The following TRPM1 variants were observed in gnomAD, a reference collection of about 807,000 sequenced individuals.
The protein encoded by TRPM1 is TRPM1-203 APA Isoform, Intron 10.
TRPM1 carries 113 observed loss-of-function variants against 149.4 expected under a neutral mutation model. That is an observed-to-expected ratio of 0.76 (90% confidence interval 0.65 to 0.88). The LOEUF is 0.88. Ranked by LOEUF, TRPM1 falls within the 40% of genes least tolerant of loss-of-function variation. TRPM1 has a pLI of 0.00. For synonymous variants in TRPM1, 741 were observed against 759.5 expected (o/e 0.98, Z 0.40); for missense variants, 1,976 against 2,038.7 (o/e 0.97, Z 0.59).
At chr15:31,067,369 T>C (rs1299065641) in intron 5 of TRPM1, among the ~76,000 whole-genome samples, 182 bp from the exon 6 acceptor site, 1 of 152,212 alleles carries the variant, frequency 6.6e-6, no homozygotes. Flanking sequence ...CGAGCAATCT[T>C]GCATTAACTC....
intron 27 of TRPM1, 102 bp downstream of exon 27, chr15:31,026,037 C>T: frequency 1.3e-6 from 2 of 1,509,386 alleles, no homozygotes; most frequent in Non-Finnish European, 1.8e-6. Flanking sequence ...CAGGAGAACT[C>T]GGAGTGCATG....
Position 31,002,333 on chromosome 15 carries a change from G to C in TRPM1, c.4367C>G (p.Thr1456Arg), listed in dbSNP as rs61734297. The C allele has an allele frequency of 5.3e-4, 850 of 1,614,072 alleles. No individual in the cohort carries two copies. Among genetic ancestry groups the C allele is most frequent in the Non-Finnish European group, 7.0e-4 (831 of 1,180,034 alleles). ...FPDETINACK[T>R]MKSRSFVYSR... ...ATAGACGAAGCTTCTGGACTTCATT[G>C]TTTTACAAGCATTGATCGTTTCATC... The change falls in exon 28 of 28, where the codon ACA (threonine) becomes AGA (arginine). Residue 1456 changes from threonine to arginine, a missense_variant. Physicochemically the swap from Thr to Arg is moderately conservative, Grantham distance 71. Transcript: ENST00000256552.
chr15:31,105,412 C>T (rs903866985), upstream of TRPM1, among the ~76,000 whole-genome samples: 5 of 151,156 alleles, frequency 3.3e-5, no homozygotes, highest in Admixed American at 1.3e-4. Flanking sequence ...TTTCAGCAGG[C>T]GGAACTATGA....
At chr15:31,080,609 G>GC in intron 2 of TRPM1, among the ~76,000 whole-genome samples, 1 of 148,556 alleles carries the variant, frequency 6.7e-6, no homozygotes, top group South Asian at 2.2e-4. Flanking sequence ...TCCTTCCCTA[G>GC]CCCCCAGGCC....
At chr15:31,076,755 G>A (rs970345881) in intron 3 of TRPM1, 150 bp downstream of exon 3, 5 of 694,968 alleles carry the variant, frequency 7.2e-6, no homozygotes, top group African/African-American at 7.1e-5. Flanking sequence ...GGAGTAACAA[G>A]GAGCCCCAGT....
intron 13 of TRPM1, among the ~76,000 whole-genome samples, chr15:31,048,768 T>C (rs2033854169): frequency 6.6e-6 from 1 of 152,026 alleles, no homozygotes; most frequent in Non-Finnish European, 1.5e-5. Flanking sequence ...GCTGAGATCA[T>C]GTCACTGCAC....
chr15:31,100,482 C>A (rs1449051902), intron 1 of TRPM1, among the ~76,000 whole-genome samples: 1 of 151,908 alleles, frequency 6.6e-6, no homozygotes, highest in East Asian at 1.9e-4. Flanking sequence ...ATCACATGTA[C>A]CCCCACAATA....
Position 31,068,115 on chromosome 15 carries a change from C to T in TRPM1, c.280-23G>A, listed in dbSNP as rs116867081. ...ATACTGTGAAAGAGTGTGTGGCACT[C>T]AGCCTCTGTTCTTGGTTTTGCTTCT... On this transcript the variant is annotated intron_variant, in intron 4 of 27. Transcript: ENST00000256552. 1.8e-4 allele frequency: 295 copies of T among 1,605,002 alleles called. 2 individuals carry two copies. In the East Asian group the frequency reaches 6.2e-3, roughly 34 times the overall value.
intron 1 of TRPM1, among the ~76,000 whole-genome samples, chr15:31,094,578 G>T (rs767476397): frequency 5.9e-5 from 9 of 152,168 alleles, no homozygotes; most frequent in Non-Finnish European, 1.2e-4. Context: ...ATTCTCCAAT[G>T]AAGATATACA....
intron 1 of TRPM1, among the ~76,000 whole-genome samples, chr15:31,087,418 ATT>A (rs1162414951): frequency 6.6e-6 from 1 of 150,954 alleles, no homozygotes; most frequent in East Asian, 2.0e-4. Context: ...CGCCCCGCTA[ATT>A]TTTTTGTGTA....
chr15:31,070,087 T>C lies in TRPM1; in HGVS notation c.223A>G (p.Thr75Ala), dbSNP rs2034491676. Residue 75 changes from threonine to alanine, a missense_variant, in exon 4 of 28, where the codon ACA (threonine) becomes GCA (alanine). Coordinates refer to ENST00000256552, the MANE Select transcript of TRPM1 (RefSeq NM_001252024.2). ...AATTCAAGAACTCCATAGGAATCTG[T>C]TGGGTAGCTCTGGGTGTGCTTGGCA... ...SVAKHTQSYP[T>A]DSYGVLEFQG... is the part of the protein sequence containing the mutation. 2 of 1,614,148 alleles carry C rather than the reference T, an allele frequency of 1.2e-6. No individual in the cohort carries two copies. Among genetic ancestry groups the C allele is most frequent in the East Asian group, 4.5e-5 (2 of 44,880 alleles).
Position 31,067,916 on chromosome 15 carries a change from G to A in TRPM1, c.456C>T (p.Thr152=). 6.2e-7 allele frequency: 1 copy of A among 1,613,776 alleles called. No individual in the cohort carries two copies. ...CCCCGGTGAAGATCCAGGCCCCGGT[G>A]GTCATAGCAGCCTTGATCAGGCCTT... ...FGKGLIKAAM[T]TGAWIFTGGV... The change falls in exon 5 of 28, where the codon ACC becomes ACT. Residue 152 remains threonine (T), a synonymous_variant. Coordinates refer to ENST00000256552, the MANE Select transcript of TRPM1 (RefSeq NM_001252024.2).
Position 31,037,763 on chromosome 15 carries a change from G to A in TRPM1, c.2519C>T (p.Thr840Ile). ...CGCGTTATAGAATTCACAGATCTTTGTTCCGATGGGAATACTTCTCTGTTT... is the reference window on the plus strand; with the variant it reads ...CGCGTTATAGAATTCACAGATCTTTATTCCGATGGGAATACTTCTCTGTTT... ...HKKQRSIPIG[T>I]KICEFYNAPI... Residue 840 changes from threonine (T) to isoleucine (I), a missense_variant, in exon 20 of 28, where the codon ACA becomes ATA. By Grantham distance (89) the Thr-to-Ile change is moderately conservative (BLOSUM62 -1). This residue lies in a region of TRPM1 where 1,332 missense variants were observed against 1,347.1 expected (regional missense o/e 0.99). Transcript: ENST00000256552. 6.2e-7 allele frequency: 1 copy of A among 1,614,222 alleles called. No individual in the cohort carries two copies. Among genetic ancestry groups the A allele is most frequent in the Non-Finnish European group, 8.5e-7 (1 of 1,180,046 alleles).
chr15:31,044,729 C>T (rs1022187504), intron 16 of TRPM1, among the ~76,000 whole-genome samples: 6 of 144,692 alleles, frequency 4.1e-5, no homozygotes, highest in Admixed American at 2.2e-4. Flanking sequence ...TGCAGTGAGC[C>T]GAGATTGCAC....
rs759239770 is a variant in TRPM1, at chr15:31,038,089, T to A, written c.2394A>T (p.Thr798=). Reference sequence around the variant, plus strand: ...CTTTGCCATCCTCATTTTCCTTGGATGTTTGATACGAGAAATCATCATATG... The same window carrying A: ...CTTTGCCATCCTCATTTTCCTTGGAAGTTTGATACGAGAAATCATCATATG... ...FRTYDDFSYQ[T]SKENEDGKEK... Residue 798 remains threonine, a synonymous_variant, in exon 19 of 28, where the codon ACA becomes ACT. Coordinates refer to ENST00000256552, the MANE Select transcript of TRPM1 (RefSeq NM_001252024.2). 2.5e-5 allele frequency: 40 copies of A among 1,614,202 alleles called. No individual in the cohort carries two copies. The highest frequency in any genetic ancestry group is 3.2e-5 in the Non-Finnish European group (38 of 1,180,020).
Position 31,063,066 on chromosome 15 carries a change from C to T in TRPM1, c.965+52G>A, listed in dbSNP as rs146968421. 1.0e-3 allele frequency: 1,655 copies of T among 1,609,614 alleles called. 4 individuals are homozygous for T. Among genetic ancestry groups the T allele is most frequent in the Middle Eastern group, 7.3e-3 (44 of 6,052 alleles). ...ACCACTTTAGATTTTCTCCTTGGCCCGACAAAGAGGGAGTTACGAACCCGC... is the reference window on the plus strand; with the variant it reads ...ACCACTTTAGATTTTCTCCTTGGCCTGACAAAGAGGGAGTTACGAACCCGC... On this transcript the variant is annotated intron_variant, in intron 8 of 27. Transcript: ENST00000256552.
At chr15:31,121,267 T>G (rs1289007665) in intron 1 of TRPM1, among the ~76,000 whole-genome samples, 1 of 146,254 alleles carries the variant, frequency 6.8e-6, no homozygotes, top group Non-Finnish European at 1.5e-5. Flanking sequence ...ACCGGTAATC[T>G]AAGTTTTCAC....
chr15:31,113,604 G>C (rs116996723), intron 1 of TRPM1, among the ~76,000 whole-genome samples: 1 of 152,092 alleles, frequency 6.6e-6, no homozygotes, highest in South Asian at 2.1e-4. Flanking sequence ...TGTTACACAA[G>C]TAAACTTGTG....
At chr15:31,058,531 C>T (rs1224494317) in intron 11 of TRPM1, among the ~76,000 whole-genome samples, 1 of 152,116 alleles carries the variant, frequency 6.6e-6, no homozygotes, top group African/African-American at 2.4e-5. Context: ...AACATAGAGA[C>T]TAAGTACAAA....
Sources: allele counts gnomAD v4.1 joint callset (sites outside exome capture counted in the v4.1 genomes callset), GRCh38; gene constraint gnomAD v4.1.1; regional missense constraint gnomAD v4.1.1; transcripts MANE v1.5; gene names NCBI Gene and HGNC (gene_info 2026-07-23, HGNC 2026-07-21).